IL12RB2: variants seen among roughly 807,000 people sequenced by gnomAD.
The protein encoded by IL12RB2 is interleukin-12 receptor subunit beta-2.
In IL12RB2, 82 loss-of-function variants were observed where a neutral mutation model predicts 89.4. The observed-to-expected ratio is 0.92, with a 90% CI of 0.77 to 1.10. IL12RB2 has a LOEUF of 1.10. Ranked by LOEUF, IL12RB2 falls within the 50% of genes least tolerant of loss-of-function variation. The pLI is 0.00. For missense variants in IL12RB2, 963 were observed against 1,031.9 expected (o/e 0.93, Z 0.92); for synonymous variants, 368 against 370.1 (o/e 0.99, Z 0.07).
intron 15 of IL12RB2, among the ~76,000 whole-genome samples, chr1:67,386,917 T>TATATATATATA (rs1665253562): frequency 1.7e-4 from 17 of 98,544 alleles, no homozygotes; most frequent in Non-Finnish European, 2.5e-4. Context: ...TATATATATA[T>TATATATATATA]TCTTTTTTTC....
intron 1 of IL12RB2, among the ~76,000 whole-genome samples, chr1:67,312,189 G>T (rs572657461): frequency 6.6e-6 from 1 of 152,146 alleles, no homozygotes. Flanking sequence ...GATGGTGCCC[G>T]GGGCCTCTTT....
intron 8 of IL12RB2, among the ~76,000 whole-genome samples, chr1:67,336,868 T>C (rs1337447724): frequency 6.6e-6 from 1 of 152,186 alleles, no homozygotes; most frequent in Non-Finnish European, 1.5e-5. Flanking sequence ...GCACTTCAGT[T>C]TTCAAATGCG....
chr1:67,379,965 C>T, intron 13 of IL12RB2, 21 bp from the exon 14 acceptor site: 2 of 1,580,554 alleles, frequency 1.3e-6, no homozygotes, highest in African/African-American at 2.7e-5. Context: ...ACATGCCTTT[C>T]TTCCTTTATC....
At chr1:67,361,803 C>T (rs969122914) in intron 10 of IL12RB2, among the ~76,000 whole-genome samples, 3 of 152,018 alleles carry the variant, frequency 2.0e-5, no homozygotes, top group African/African-American at 7.2e-5. Flanking sequence ...ACCCAGGAAC[C>T]TTAAAGAACA....
intron 9 of IL12RB2, among the ~76,000 whole-genome samples, chr1:67,339,698 G>A (rs529129831): frequency 3.9e-5 from 6 of 152,060 alleles, no homozygotes; most frequent in East Asian, 3.8e-4. Flanking sequence ...GTACTGGTAC[G>A]CCCACTTACC....
chr1:67,344,810 C>T lies in IL12RB2; in HGVS notation c.1039-6060C>T, dbSNP rs1387814310. ...CGGACTAGCCATGTTTCAAGGGCTC[C>T]ATGACTTCCTACAGCTAGGGGCTCC... On this transcript the variant is annotated intron_variant, in intron 9 of 16. Coordinates refer to ENST00000674203, the MANE Select transcript of IL12RB2 (RefSeq NM_001374259.2). Among the ~76,000 whole-genome samples, 7 of 152,198 alleles carry T rather than the reference C, an allele frequency of 4.6e-5. No individual in the cohort carries two copies. The East Asian group carries it at 1.3e-3, about 29-fold the overall frequency.
At chr1:67,314,925 A>G (rs1264682402) in intron 2 of IL12RB2, among the ~76,000 whole-genome samples, 1 of 141,952 alleles carries the variant, frequency 7.0e-6, no homozygotes, top group Admixed American at 7.9e-5. Context: ...ACACTCTTTG[A>G]TTTTCTGATT....
At chr1:67,337,978 A>G (rs1337107274) in intron 8 of IL12RB2, among the ~76,000 whole-genome samples, 1 of 150,480 alleles carries the variant, frequency 6.6e-6, no homozygotes, top group South Asian at 2.1e-4. Context: ...GCTCTGTCTT[A>G]TGGTGCTAAA....
intron 9 of IL12RB2, among the ~76,000 whole-genome samples, chr1:67,344,179 G>A (rs1420324960): frequency 1.3e-5 from 2 of 152,158 alleles, no homozygotes; most frequent in African/African-American, 4.8e-5. Context: ...CTTTAGTGAA[G>A]CACTGTTCCA....
chr1:67,338,140 G>A (rs1659040173), intron 8 of IL12RB2, among the ~76,000 whole-genome samples: 1 of 151,118 alleles, frequency 6.6e-6, no homozygotes, highest in Middle Eastern at 3.4e-3. Context: ...ACCAGCCGGG[G>A]CAACATGATG....
chr1:67,375,835 ATTTTTC>A (rs1663906847), intron 13 of IL12RB2, among the ~76,000 whole-genome samples: 2 of 143,646 alleles, frequency 1.4e-5, no homozygotes, highest in South Asian at 4.4e-4. Context: ...CGGCCAGCAC[ATTTTTC>A]TTTTTCTTTT....
intron 10 of IL12RB2, among the ~76,000 whole-genome samples, chr1:67,364,222 C>G (rs1038339156): frequency 1.3e-5 from 2 of 152,164 alleles, no homozygotes; most frequent in African/African-American, 4.8e-5. Flanking sequence ...GAAACTCTGT[C>G]TCTCCTAAAA....
chr1:67,372,566 T>C (rs1663484657), intron 12 of IL12RB2, 32 bp downstream of exon 12: 1 of 1,606,354 alleles, frequency 6.2e-7, no homozygotes, highest in Non-Finnish European at 8.5e-7. Context: ...CAAATTTTGC[T>C]TTAGTTTAAT....
chr1:67,340,194 A>G (rs1016000134), intron 9 of IL12RB2, among the ~76,000 whole-genome samples: 2 of 152,226 alleles, frequency 1.3e-5, no homozygotes, highest in African/African-American at 4.8e-5. Context: ...AGAGACTACT[A>G]TAAATAGCCT....
chr1:67,375,128 C>G (rs1030267962), intron 13 of IL12RB2, among the ~76,000 whole-genome samples: 1 of 152,038 alleles, frequency 6.6e-6, no homozygotes, highest in African/African-American at 2.4e-5. Flanking sequence ...GGCATGGTGG[C>G]TCATGCCTGT....
intron 14 of IL12RB2, among the ~76,000 whole-genome samples, chr1:67,384,712 A>T (rs964162050): frequency 6.6e-6 from 1 of 152,198 alleles, no homozygotes; most frequent in Non-Finnish European, 1.5e-5. Flanking sequence ...TCTGCCAGAT[A>T]TCCTAAATCA....
At chr1:67,382,632 A>C (rs1664723830) in intron 14 of IL12RB2, among the ~76,000 whole-genome samples, 2 of 150,660 alleles carry the variant, frequency 1.3e-5, no homozygotes, top group Middle Eastern at 7.0e-3. Flanking sequence ...GCCTTTGCAT[A>C]GTTTTTTTTT....
chr1:67,316,116 G>A (rs1655722958), intron 2 of IL12RB2, among the ~76,000 whole-genome samples: 1 of 152,128 alleles, frequency 6.6e-6, no homozygotes, highest in Admixed American at 6.5e-5. Context: ...TGCCTACTAT[G>A]TGCCACAAAT....
upstream of IL12RB2, chr1:67,307,540 A>G (rs989697595): frequency 6.6e-6 from 1 of 152,232 alleles, no homozygotes; most frequent in African/African-American, 2.4e-5. Flanking sequence ...GACAGGCTTT[A>G]TTATCCGCAT....
Sources: gnomAD v4.1 joint callset for allele counts (sites outside exome capture counted in the v4.1 genomes callset) on GRCh38, gnomAD v4.1.1 for gene constraint, MANE v1.5 for transcripts, NCBI Gene and HGNC (gene_info 2026-07-23, HGNC 2026-07-21) for gene names.